The following DTHD1 variants were observed in gnomAD, a reference collection of about 807,000 sequenced individuals.
DTHD1 encodes the protein death domain-containing protein 1.
In DTHD1, 59 loss-of-function variants were observed where a neutral mutation model predicts 74.8. The ratio of observed to expected loss-of-function variants is 0.79; its 90% confidence interval spans 0.64 to 0.98. The LOEUF (loss-of-function observed/expected upper bound fraction) is 0.98, where lower values mean the gene tolerates loss of function less well. Ranked by LOEUF, DTHD1 falls within the 50% of genes least tolerant of loss-of-function variation. The pLI is 0.00. For synonymous variants in DTHD1, 365 were observed against 371.1 expected (o/e 0.98, Z 0.19); for missense variants, 1,051 against 1,065.4 (o/e 0.99, Z 0.19).
chr4:36,289,167 T>C (rs1755904431), intron 2 of DTHD1, among the ~76,000 whole-genome samples: 1 of 152,226 alleles, frequency 6.6e-6, no homozygotes, highest in Non-Finnish European at 1.5e-5. Flanking sequence ...TAGATCCTCT[T>C]ATTTCTCTTC....
intron 8 of DTHD1, among the ~76,000 whole-genome samples, chr4:36,321,197 G>A (rs1758018609): frequency 6.6e-6 from 1 of 152,140 alleles, no homozygotes; most frequent in African/African-American, 2.4e-5. Flanking sequence ...TTTATAGCAT[G>A]TTTTCAACTC....
rs1245416988 is a variant in DTHD1, at chr4:36,345,280, G to A, written c.*1456G>A. 4 of 152,132 alleles carry A rather than the reference G, an allele frequency of 2.6e-5. No homozygotes were observed. Among genetic ancestry groups the A allele is most frequent in the Admixed American group, 2.6e-4 (4 of 15,258 alleles). 9.4% of individuals were successfully genotyped at this position (152,132 alleles called of 1,614,324 possible). A position where few individuals can be genotyped will look rare whatever the true frequency, so the allele number is the denominator to read the frequency against. On this transcript the variant is annotated 3_prime_UTR_variant, in exon 10 of 10. Transcript: ENST00000639862. ...CTTTCTATTGATAATCGCTATTAAT[G>A]TCTAGTATAAGCTTTGAGTTTTTGG...
At chr4:36,290,191 A>G (rs1755978125) in intron 2 of DTHD1, among the ~76,000 whole-genome samples, 182 bp from the exon 3 acceptor site, 1 of 152,174 alleles carries the variant, frequency 6.6e-6, no homozygotes, top group Non-Finnish European at 1.5e-5. Context: ...TGTTATCACC[A>G]TTTTACCATT....
chr4:36,339,886 C>A (rs1318796527), intron 9 of DTHD1, among the ~76,000 whole-genome samples: 1 of 152,050 alleles, frequency 6.6e-6, no homozygotes, highest in African/African-American at 2.4e-5. Flanking sequence ...TATTATAAAC[C>A]CTTTCAGGGA....
intron 7 of DTHD1, among the ~76,000 whole-genome samples, chr4:36,314,346 C>T (rs1480023810): frequency 6.6e-6 from 1 of 152,006 alleles, no homozygotes; most frequent in Non-Finnish European, 1.5e-5. Flanking sequence ...TGCTGGCTTA[C>T]AATAACCGAA....
At chr4:36,312,640 A>G (rs992510501) in intron 7 of DTHD1, among the ~76,000 whole-genome samples, 1 of 151,422 alleles carries the variant, frequency 6.6e-6, no homozygotes, top group African/African-American at 2.4e-5. Flanking sequence ...ATCCTATCTC[A>G]GGGAGTTTAT....
chr4:36,335,227 G>GTTAAGT (rs905479502), intron 8 of DTHD1, among the ~76,000 whole-genome samples: 2 of 151,794 alleles, frequency 1.3e-5, no homozygotes, highest in African/African-American at 4.8e-5. Context: ...ACAAATTTTT[G>GTTAAGT]TTAAGTTTTT....
At chr4:36,329,474 T>C (rs1222998028) in intron 8 of DTHD1, among the ~76,000 whole-genome samples, 1 of 152,216 alleles carries the variant, frequency 6.6e-6, no homozygotes, top group African/African-American at 2.4e-5. Context: ...CTCCAGTTTT[T>C]TCCAGCTTAA....
intron 7 of DTHD1, among the ~76,000 whole-genome samples, chr4:36,310,116 G>A (rs1206781981): frequency 6.6e-6 from 1 of 152,182 alleles, no homozygotes; most frequent in African/African-American, 2.4e-5. Flanking sequence ...GGGCACGTAA[G>A]TTGATTCCAT....
intron 5 of DTHD1, among the ~76,000 whole-genome samples, chr4:36,298,514 A>G (rs528335331): frequency 6.6e-6 from 1 of 152,298 alleles, no homozygotes; most frequent in South Asian, 2.1e-4. Flanking sequence ...CTCCATCTCA[A>G]CTGTTTATTT....
In DTHD1 at chr4:36,282,007, G is replaced by A. The variant is rs959237057; in HGVS notation, c.249G>A (p.Glu83=). ...AGCTGCATGTGCTGCTTGACAAAGA[G>A]AATCAATGTGTCTCGAGAAAAGGCA... The part of the protein sequence containing the change: ...CQQLHVLLDK[E]NQCVSRKEII... Residue 83 remains glutamate, a synonymous_variant, in exon 1 of 10, where the codon GAG becomes GAA. Transcript: ENST00000639862. 9 of 1,524,022 alleles carry A rather than the reference G, an allele frequency of 5.9e-6. No individual in the cohort carries two copies. Among genetic ancestry groups the A allele is most frequent in the Admixed American group, 2.1e-5 (1 of 48,332 alleles). 94.4% of individuals were successfully genotyped at this position (1,524,022 alleles called of 1,614,324 possible).
At chr4:36,293,455 A>G (rs926929344) in intron 3 of DTHD1, 71 bp from the exon 4 acceptor site, 1 of 1,257,426 alleles carries the variant, frequency 8.0e-7, no homozygotes, top group African/African-American at 1.5e-5. Flanking sequence ...TTGACAATCC[A>G]TAGAGTCTAT....
intron 8 of DTHD1, among the ~76,000 whole-genome samples, chr4:36,319,890 C>T (rs1317877486): frequency 1.3e-5 from 2 of 152,184 alleles, no homozygotes; most frequent in African/African-American, 4.8e-5. Flanking sequence ...TACCTATGTG[C>T]CTGAGTAATT....
chr4:36,328,460 A>G (rs755977415), intron 8 of DTHD1, among the ~76,000 whole-genome samples: 44 of 151,876 alleles, frequency 2.9e-4, no homozygotes, highest in Non-Finnish European at 5.6e-4. Context: ...ACTTATTTAG[A>G]AAAAAAACCG....
rs1427144345 is a variant in DTHD1, at chr4:36,281,765, A to G, written c.7A>G (p.Met3Val). ...ACCACTTTTGGATCATAAAATGGAT[A>G]TGGAATACATGGGCTCAGGTAAACT... MDMEYMGSGKLGQ... is the reference protein window; with the variant it reads MDVEYMGSGKLGQ... Residue 3 changes from methionine to valine, a missense_variant, in exon 1 of 10, where the codon ATG (methionine) becomes GTG (valine). Met to Val is a conservative substitution (Grantham distance 21). Coordinates refer to ENST00000639862, the MANE Select transcript of DTHD1 (RefSeq NM_001170700.3). 3 of 1,236,186 alleles carry G rather than the reference A, an allele frequency of 2.4e-6. No homozygotes were observed. The East Asian group carries it at 9.4e-5, about 39-fold the overall frequency. The allele number at this position is 1,236,186 out of a possible 1,614,324, so 76.6% of individuals were successfully genotyped here. A position where few individuals can be genotyped will look rare whatever the true frequency, so the allele number is the denominator to read the frequency against.
intron 8 of DTHD1, among the ~76,000 whole-genome samples, chr4:36,335,484 C>T (rs1344638197): frequency 6.6e-6 from 1 of 152,178 alleles, no homozygotes; most frequent in African/African-American, 2.4e-5. Flanking sequence ...GCCTCAGCCT[C>T]CTAAGGTGCT....
At chr4:36,309,437 C>A (rs1335475155) in intron 7 of DTHD1, among the ~76,000 whole-genome samples, 2 of 152,198 alleles carry the variant, frequency 1.3e-5, no homozygotes, top group Admixed American at 6.5e-5. Context: ...AGCCGAGATA[C>A]CTTGCTTGCT....
intron 8 of DTHD1, among the ~76,000 whole-genome samples, chr4:36,317,516 T>A (rs1439735149): frequency 1.3e-5 from 2 of 152,196 alleles, no homozygotes; most frequent in Non-Finnish European, 2.9e-5. Context: ...CATGGTAAAT[T>A]TATATTTTGG....
intron 8 of DTHD1, among the ~76,000 whole-genome samples, chr4:36,327,125 C>A (rs1758397942): frequency 6.6e-6 from 1 of 152,034 alleles, no homozygotes; most frequent in African/African-American, 2.4e-5. Flanking sequence ...TGCCACCTCG[C>A]CTGACTAATT....
Sources: gnomAD v4.1 joint callset for allele counts (sites outside exome capture counted in the v4.1 genomes callset) on GRCh38, gnomAD v4.1.1 for gene constraint, MANE v1.5 for transcripts, NCBI Gene and HGNC (gene_info 2026-07-23, HGNC 2026-07-21) for gene names.